Variants in PTGR1 observed in about 807,000 individuals in gnomAD.
PTGR1 encodes the protein prostaglandin reductase 1.
Under a neutral mutation model 37.7 loss-of-function variants are expected in PTGR1, and 23 were observed. The observed-to-expected ratio is 0.61, with a 90% CI of 0.44 to 0.86. The LOEUF (loss-of-function observed/expected upper bound fraction) is 0.86. PTGR1 is among the 40% of genes least tolerant of loss of function. The probability of loss-of-function intolerance (pLI) is 0.00; values close to 1 mark genes in which losing one functional copy is unlikely to be tolerated. For synonymous variants in PTGR1, 134 were observed against 140.0 expected (o/e 0.96, Z 0.30); for missense variants, 351 against 394.3 (o/e 0.89, Z 0.93).
At chr9:111,592,693 T>A in intron 4 of PTGR1, 1 of 470,256 alleles carries the variant, frequency 2.1e-6, no homozygotes, top group South Asian at 6.4e-5. Flanking sequence ...TTTTTTTTAG[T>A]AATTAAAAGT....
rs1195322999 is a variant in PTGR1, at chr9:111,563,240, AAGC to A, written c.880-12_880-10del. The A allele has an allele frequency of 3.1e-6, 5 of 1,606,700 alleles. No homozygotes were observed. The South Asian group carries it at 5.6e-5, about 18-fold the overall frequency. On this transcript the variant is annotated splice_polypyrimidine_tract_variant and intron_variant, in intron 9 of 9. Transcript: ENST00000407693. ...TTGTACTGGATTTTACCCTGTATCAAAGCAACAACAAATTTTAAAACTTAATTT... is the reference window on the plus strand; with the variant it reads ...TTGTACTGGATTTTACCCTGTATCAAAACAACAAATTTTAAAACTTAATTT...
chr9:111,596,142 G>A (rs1406158239), intron 2 of PTGR1, among the ~76,000 whole-genome samples: 1 of 152,196 alleles, frequency 6.6e-6, no homozygotes, highest in African/African-American at 2.4e-5. Flanking sequence ...TGAGAACCCT[G>A]GAAAGGTCTT....
downstream of PTGR1, among the ~76,000 whole-genome samples, chr9:111,559,449 CTGT>C (rs1218234438): frequency 6.6e-6 from 1 of 152,038 alleles, no homozygotes; most frequent in Non-Finnish European, 1.5e-5. Flanking sequence ...GATGACTTCA[CTGT>C]TGTTGGGCTC....
chr9:111,562,193 A>G (rs1361130271), downstream of PTGR1, among the ~76,000 whole-genome samples: 2 of 151,258 alleles, frequency 1.3e-5, no homozygotes, highest in Non-Finnish European at 2.9e-5. Flanking sequence ...TTTTAAATAA[A>G]TGTATAACAT....
chr9:111,550,157 A>G (rs770612060), intron 9 of PTGR1, among the ~76,000 whole-genome samples: 3 of 152,116 alleles, frequency 2.0e-5, no homozygotes, highest in East Asian at 1.9e-4. Flanking sequence ...AGTTGTCTCA[A>G]TTCTTTACAG....
intron 9 of PTGR1, 196 bp downstream of exon 9, chr9:111,569,895 C>A: frequency 1.2e-6 from 1 of 858,724 alleles, no homozygotes. Flanking sequence ...TGGAAATGAA[C>A]TTTAGAGAGG....
rs911303750 is a variant in PTGR1, at chr9:111,597,488, T to C, written c.-10-56A>G. The C allele has an allele frequency of 1.0e-5, 11 of 1,084,458 alleles. No homozygotes were observed. In the South Asian group the frequency reaches 1.4e-4, roughly 13 times the overall value. 67.2% of individuals were successfully genotyped at this position (1,084,458 alleles called of 1,614,324 possible). On this transcript the variant is annotated intron_variant, in intron 1 of 9. Coordinates refer to ENST00000407693, the MANE Select transcript of PTGR1 (RefSeq NM_001146108.2). ...CATGAAGTGACTGCATTCTAACAGT[T>C]CTCTAGCCGTCAAACTGAGACCAGA... is the stretch of plus-strand genomic sequence containing the variant.
chr9:111,569,332 C>G (rs1395528413), intron 9 of PTGR1, among the ~76,000 whole-genome samples: 1 of 152,064 alleles, frequency 6.6e-6, no homozygotes, highest in Non-Finnish European at 1.5e-5. Context: ...TGAGGAGGAC[C>G]AATCAGTGAG....
chr9:111,554,397 T>G (rs945709913), intron 9 of PTGR1, among the ~76,000 whole-genome samples: 1 of 152,226 alleles, frequency 6.6e-6, no homozygotes, highest in Non-Finnish European at 1.5e-5. Context: ...TTCCCCTCAT[T>G]GTGGTGAGCA....
intron 9 of PTGR1, among the ~76,000 whole-genome samples, chr9:111,565,048 C>G (rs905386681): frequency 1.3e-5 from 2 of 151,994 alleles, no homozygotes; most frequent in African/African-American, 4.8e-5. Flanking sequence ...CACATGAACC[C>G]GGCAGGCGGA....
At chr9:111,564,542 G>GT (rs1162501770) in intron 9 of PTGR1, among the ~76,000 whole-genome samples, 1 of 151,708 alleles carries the variant, frequency 6.6e-6, no homozygotes, top group African/African-American at 2.4e-5. Flanking sequence ...CTAGGCTCAA[G>GT]TGATCCGCCC....
chr9:111,580,542 G>T (rs570323725), intron 6 of PTGR1, among the ~76,000 whole-genome samples: 50 of 152,182 alleles, frequency 3.3e-4, no homozygotes, highest in African/African-American at 1.1e-3. Context: ...GATCACCGGA[G>T]GTCGGGAGTT....
In PTGR1 at chr9:111,580,166, A is replaced by G. The variant is rs114713155; in HGVS notation, c.496-1215T>C. On this transcript the variant is annotated intron_variant, in intron 6 of 9. Coordinates refer to ENST00000407693, the MANE Select transcript of PTGR1 (RefSeq NM_001146108.2). The stretch of plus-strand genomic sequence containing the variant: ...GATTATTAATTAATCTATTAATTCT[A>G]TCTATTAATGTTAGCCCATTTTTTT... Among the ~76,000 whole-genome samples, 1,122 of 152,260 alleles carry G rather than the reference A, an allele frequency of 7.4e-3. 9 individuals carry two copies. Among genetic ancestry groups the G allele is most frequent in the African/African-American group, 0.026 (1,077 of 41,548 alleles).
chr9:111,574,943 G>A (rs74587071), intron 7 of PTGR1, 101 bp from the exon 8 acceptor site: 41,521 of 876,144 alleles, frequency 0.047, 1,502 homozygotes, highest in African/African-American at 0.14. Flanking sequence ...TGTTTTAGCA[G>A]CAACAAAACT....
intron 7 of PTGR1, among the ~76,000 whole-genome samples, chr9:111,578,259 G>A (rs745786841): frequency 9.9e-5 from 15 of 152,058 alleles, no homozygotes; most frequent in Non-Finnish European, 1.6e-4. Context: ...TTTTTCCATC[G>A]ATTGTTGGGG....
At chr9:111,556,141 C>A (rs1460794096) in intron 9 of PTGR1, among the ~76,000 whole-genome samples, 3 of 152,238 alleles carry the variant, frequency 2.0e-5, no homozygotes, top group African/African-American at 7.2e-5. Context: ...AGGCCCCATG[C>A]AAGTCCAAAA....
At position 111,562,571 on chromosome 9, in the gene PTGR1, GCTAA is replaced by G. The variant is rs1166379381; in HGVS notation, c.*546_*549del. 1.3e-5 allele frequency: 2 copies of G among 152,226 alleles called. No individual in the cohort carries two copies. The highest frequency in any genetic ancestry group is 2.4e-5 in the African/African-American group (1 of 41,396). The allele number at this position is 152,226 out of a possible 1,614,324, so 9.4% of individuals were successfully genotyped here. ...TTACAGGCATGAGCCACCACGCCCG[GCTAA>G]CTTTTTTTTTTAATTTAATTTTATT... On this transcript the variant is annotated 3_prime_UTR_variant, in exon 10 of 10. Coordinates refer to ENST00000407693, the MANE Select transcript of PTGR1 (RefSeq NM_001146108.2).
chr9:111,574,342 GT>G (rs1828962017), intron 8 of PTGR1: 1 of 152,276 alleles, frequency 6.6e-6, no homozygotes, highest in Non-Finnish European at 1.5e-5. Flanking sequence ...TATTTCTTTT[GT>G]TATTGTTTTT....
At chr9:111,561,155 GA>G (rs1460120393), downstream of PTGR1, among the ~76,000 whole-genome samples, 1 of 97,192 alleles carries the variant, frequency 1.0e-5, no homozygotes, top group Admixed American at 1.0e-4. Context: ...GAGGGAGAGA[GA>G]GAGAGAGAGA....
Sources: gnomAD v4.1 joint callset for allele counts (sites outside exome capture counted in the v4.1 genomes callset) on GRCh38, gnomAD v4.1.1 for gene constraint, MANE v1.5 for transcripts, NCBI Gene and HGNC (gene_info 2026-07-23, HGNC 2026-07-21) for gene names.